Variants in SEMA3D observed in about 807,000 individuals in gnomAD.
SEMA3D encodes semaphorin-3D.
SEMA3D carries 84 observed loss-of-function variants against 100.1 expected under a neutral mutation model. The ratio of observed to expected loss-of-function variants is 0.84; its 90% CI spans 0.70 to 1.01. The LOEUF is 1.01. SEMA3D is among the 50% of genes least tolerant of loss of function. The pLI is 0.00. For missense variants in SEMA3D, 875 were observed against 934.1 expected (o/e 0.94, Z 0.82); for synonymous variants, 312 against 320.7 (o/e 0.97, Z 0.29).
At chr7:85,072,232 G>C (rs761944944) in intron 6 of SEMA3D, among the ~76,000 whole-genome samples, 11 of 152,106 alleles carry the variant, frequency 7.2e-5, no homozygotes, top group Non-Finnish European at 1.3e-4. Flanking sequence ...CACTCATTGA[G>C]ATCTGGAATA....
intron 3 of SEMA3D, 86 bp from the exon 4 acceptor site, chr7:85,098,051 G>C: frequency 1.5e-6 from 1 of 666,718 alleles, no homozygotes. Context: ...GAAAGAAAAA[G>C]AAAGGAAAGA....
chr7:85,123,726 G>T (rs781005074), intron 2 of SEMA3D, among the ~76,000 whole-genome samples: 4 of 151,998 alleles, frequency 2.6e-5, no homozygotes, highest in Non-Finnish European at 5.9e-5. Context: ...TACATTCAAA[G>T]ATACCTATAA....
intron 1 of SEMA3D, among the ~76,000 whole-genome samples, chr7:85,154,573 A>T (rs1299127253): frequency 6.6e-6 from 1 of 152,154 alleles, no homozygotes; most frequent in Non-Finnish European, 1.5e-5. Context: ...TATGAAATGC[A>T]CTTGCACAGT....
At chr7:85,239,483 G>C in the SEMA3D span, among the ~76,000 whole-genome samples, 1 of 152,096 alleles carries the variant, frequency 6.6e-6, no homozygotes, top group Admixed American at 6.6e-5. Context: ...ATTCATTTCT[G>C]TTGTTTGTAA....
At chr7:85,052,190 C>A (rs60699241) in intron 9 of SEMA3D, among the ~76,000 whole-genome samples, 1 of 151,916 alleles carries the variant, frequency 6.6e-6, no homozygotes, top group African/African-American at 2.4e-5. Context: ...AGGGAACAAC[C>A]TAACAGGTCT....
chr7:85,048,312 T>C (rs1791065149), intron 9 of SEMA3D, among the ~76,000 whole-genome samples: 1 of 151,832 alleles, frequency 6.6e-6, no homozygotes, highest in Non-Finnish European at 1.5e-5. Flanking sequence ...AAACAGATTT[T>C]AGAATCTTTC....
At chr7:85,111,047 A>G (rs1019743587) in intron 3 of SEMA3D, among the ~76,000 whole-genome samples, 2 of 152,042 alleles carry the variant, frequency 1.3e-5, no homozygotes, top group East Asian at 3.9e-4. Flanking sequence ...TTTTTCATTT[A>G]ACAACTTCTA....
At chr7:85,019,242 T>C (rs1486253964) in intron 14 of SEMA3D, among the ~76,000 whole-genome samples, 1 of 151,806 alleles carries the variant, frequency 6.6e-6, no homozygotes, top group African/African-American at 2.4e-5. Context: ...GACCACTGTC[T>C]AACACCATTG....
chr7:85,179,031 T>G (rs752035643), intron 1 of SEMA3D, among the ~76,000 whole-genome samples: 2 of 152,182 alleles, frequency 1.3e-5, no homozygotes, highest in Non-Finnish European at 2.9e-5. Context: ...GAATGAGATT[T>G]GGGAAACTCT....
At chr7:85,105,685 A>G (rs537652069) in intron 3 of SEMA3D, among the ~76,000 whole-genome samples, 3 of 152,266 alleles carry the variant, frequency 2.0e-5, no homozygotes, top group East Asian at 3.9e-4. Context: ...GCAAGTCCAA[A>G]TCAGAAAGAA....
the SEMA3D span, among the ~76,000 whole-genome samples, chr7:85,220,451 T>G: frequency 6.6e-6 from 1 of 151,776 alleles, no homozygotes; most frequent in African/African-American, 2.4e-5. Flanking sequence ...TCCTCTCCCA[T>G]TTCAATTCAC....
rs185938176 is a variant in SEMA3D, at chr7:85,141,209, A to G, written c.-41+12399T>C. ...CATTTTTAATATAGCACACATATTA[A>G]CCCCCTCTCTTATTTTTCATGACAT... On this transcript the variant is annotated intron_variant, in intron 2 of 18. Transcript: ENST00000284136. 726 of 982,914 alleles carry G rather than the reference A, an allele frequency of 7.4e-4. 4 individuals are homozygous for G. In the African/African-American group the frequency reaches 0.012, roughly 16 times the overall value. The allele number at this position is 982,914 out of a possible 1,614,324, so 60.9% of individuals were successfully genotyped here.
intron 1 of SEMA3D, among the ~76,000 whole-genome samples, chr7:85,180,713 T>C (rs539851261): frequency 6.6e-5 from 10 of 152,212 alleles, no homozygotes; most frequent in Non-Finnish European, 1.5e-4. Flanking sequence ...AGTCCATACA[T>C]TATTCAGATT....
intron 1 of SEMA3D, among the ~76,000 whole-genome samples, chr7:85,156,354 C>T (rs760888341): frequency 3.9e-5 from 6 of 152,072 alleles, no homozygotes; most frequent in Non-Finnish European, 5.9e-5. Context: ...ACCCCTTCGG[C>T]CTTCCAAAGT....
intron 3 of SEMA3D, among the ~76,000 whole-genome samples, chr7:85,099,505 A>C (rs1363007389): frequency 6.6e-6 from 1 of 151,946 alleles, no homozygotes; most frequent in Non-Finnish European, 1.5e-5. Context: ...AGCAGTGTCA[A>C]AATGGACTAA....
the SEMA3D span, among the ~76,000 whole-genome samples, chr7:85,197,893 T>C: frequency 6.6e-6 from 1 of 152,164 alleles, no homozygotes; most frequent in South Asian, 2.1e-4. Flanking sequence ...AATGGATGAA[T>C]ATATTGTGCA....
At chr7:85,069,533 C>T (rs1371637648) in intron 6 of SEMA3D, among the ~76,000 whole-genome samples, 1 of 152,088 alleles carries the variant, frequency 6.6e-6, no homozygotes, top group Non-Finnish European at 1.5e-5. Flanking sequence ...ATTCCATGTG[C>T]TTCCTGAAAT....
chr7:85,089,761 A>T (rs1788328978), intron 4 of SEMA3D, among the ~76,000 whole-genome samples: 1 of 152,050 alleles, frequency 6.6e-6, no homozygotes, highest in African/African-American at 2.4e-5. Flanking sequence ...CATGGTGACA[A>T]GCACCTGTAG....
chr7:85,070,184 G>A (rs1791732904), intron 6 of SEMA3D, among the ~76,000 whole-genome samples: 1 of 152,194 alleles, frequency 6.6e-6, no homozygotes, highest in Non-Finnish European at 1.5e-5. Context: ...ACTATTAGAA[G>A]TTGTTGACAG....
Sources: allele counts gnomAD v4.1 joint callset (sites outside exome capture counted in the v4.1 genomes callset), GRCh38; gene constraint gnomAD v4.1.1; transcripts MANE v1.5; gene names NCBI Gene and HGNC (gene_info 2026-07-23, HGNC 2026-07-21).